ACCSL: variants seen among roughly 807,000 people sequenced by gnomAD.
ACCSL encodes the protein 1-aminocyclopropane-1-carboxylate synthase homolog (inactive) like.
Under a neutral mutation model 61.7 loss-of-function variants are expected in ACCSL, and 55 were observed. That is an observed-to-expected ratio of 0.89 (90% CI 0.72 to 1.12). The LOEUF (loss-of-function observed/expected upper bound fraction) is 1.12, where lower values mean the gene tolerates loss of function less well. Among genes scored for constraint, ACCSL ranks in the 50% most tolerant of loss-of-function variants. The probability of loss-of-function intolerance (pLI) is 0.00; values close to 1 mark genes in which losing one functional copy is unlikely to be tolerated. For missense variants in ACCSL, 632 were observed against 698.0 expected, an observed-to-expected ratio of 0.91 and a Z score of 1.07; for synonymous variants, 258 against 264.3, an observed-to-expected ratio of 0.98 and a Z score of 0.23.
chr11:43,981,158 T>C, the ACCSL span, among the ~76,000 whole-genome samples: 34,771 of 152,088 alleles, frequency 0.23, 4,259 homozygotes, highest in Non-Finnish European at 0.28. Context: ...GCCACTGATG[T>C]GGGCAGGTGG....
At chr11:43,996,427 C>G in the ACCSL span, among the ~76,000 whole-genome samples, 13 of 152,180 alleles carry the variant, frequency 8.5e-5, no homozygotes, top group African/African-American at 3.1e-4. Context: ...CAGCTGATGG[C>G]AGCTTGGTGA....
chr11:44,029,296 GT>G, the ACCSL span, among the ~76,000 whole-genome samples: 2 of 152,372 alleles, frequency 1.3e-5, no homozygotes, highest in East Asian at 3.9e-4. Context: ...GCTTCTTGCT[GT>G]TCCTTCAACA....
chr11:43,954,804 C>T, the ACCSL span, among the ~76,000 whole-genome samples: 2 of 152,082 alleles, frequency 1.3e-5, no homozygotes, highest in Non-Finnish European at 2.9e-5. Context: ...AGGCTGGTCT[C>T]GAACTCTCCA....
chr11:44,031,547 A>T, the ACCSL span, among the ~76,000 whole-genome samples: 1 of 152,146 alleles, frequency 6.6e-6, no homozygotes, highest in Non-Finnish European at 1.5e-5. Context: ...TATTTATTGG[A>T]GGAAACACCT....
In ACCSL at chr11:44,059,830, C is replaced by T. The variant is rs762693781; in HGVS notation, c.1625-8C>T. The T allele has an allele frequency of 6.2e-7, 1 of 1,612,436 alleles. No homozygotes were observed. On this transcript the variant is annotated splice_polypyrimidine_tract_variant and splice_region_variant and intron_variant, in intron 13 of 13. Coordinates refer to ENST00000378832, the MANE Select transcript of ACCSL (RefSeq NM_001031854.2). ...CTATTTCTCTCTGTCCCCATTTGAACCCTCTAGCTATGCGTCGGTTCTGTG... is the reference window on the plus strand; with the variant it reads ...CTATTTCTCTCTGTCCCCATTTGAATCCTCTAGCTATGCGTCGGTTCTGTG...
chr11:44,007,659 A>T, the ACCSL span, among the ~76,000 whole-genome samples: 1 of 152,146 alleles, frequency 6.6e-6, no homozygotes, highest in African/African-American at 2.4e-5. Context: ...CAGGCTCTAT[A>T]TGTGTGACCT....
the ACCSL span, among the ~76,000 whole-genome samples, chr11:44,004,130 TGA>T: frequency 6.5e-3 from 970 of 149,954 alleles, 14 homozygotes; most frequent in African/African-American, 0.023. Context: ...GGGGAGGGGC[TGA>T]GTCTGCATGT....
chr11:43,946,637 G>A, the ACCSL span, among the ~76,000 whole-genome samples: 2 of 151,950 alleles, frequency 1.3e-5, no homozygotes, highest in African/African-American at 2.4e-5. Context: ...AGTATGCATC[G>A]ATCCACATCA....
chr11:43,998,693 C>G, the ACCSL span, among the ~76,000 whole-genome samples: 2 of 152,092 alleles, frequency 1.3e-5, no homozygotes, highest in African/African-American at 4.8e-5. Flanking sequence ...TAGATTCATT[C>G]ATTATTTATT....
the ACCSL span, among the ~76,000 whole-genome samples, chr11:43,977,245 A>G: frequency 1.3e-5 from 2 of 152,156 alleles, no homozygotes; most frequent in Non-Finnish European, 2.9e-5. Flanking sequence ...CCTGTGAATA[A>G]TATGTTACAC....
chr11:43,950,084 T>C, the ACCSL span, among the ~76,000 whole-genome samples: 3 of 152,232 alleles, frequency 2.0e-5, no homozygotes, highest in Non-Finnish European at 4.4e-5. Context: ...CTACATTGTG[T>C]ATTCAGTGAA....
At chr11:44,028,734 C>A in the ACCSL span, among the ~76,000 whole-genome samples, 2 of 152,208 alleles carry the variant, frequency 1.3e-5, no homozygotes, top group Admixed American at 1.3e-4. Context: ...TCAGTCTTGT[C>A]TGTGCCTCAG....
the ACCSL span, among the ~76,000 whole-genome samples, chr11:43,994,267 C>A: frequency 6.6e-6 from 1 of 152,180 alleles, no homozygotes; most frequent in Non-Finnish European, 1.5e-5. Context: ...TTCACCATCT[C>A]AGGAAATATA....
At chr11:43,943,301 G>A in the ACCSL span, 10 of 1,454,270 alleles carry the variant, frequency 6.9e-6, no homozygotes, top group Non-Finnish European at 9.0e-6. The surrounding 1 kb of genome is among the most constrained non-coding windows in gnomAD (Gnocchi z 4.8). Context: ...GGGGACGCGC[G>A]CGTCCGCGGT....
intron 1 of ACCSL, 96 bp downstream of exon 1, chr11:44,048,636 C>A (rs955924413): frequency 8.4e-7 from 1 of 1,195,424 alleles, no homozygotes; most frequent in Non-Finnish European, 1.2e-6. Flanking sequence ...TGCTCTCATT[C>A]TTTATAGCCT....
the ACCSL span, among the ~76,000 whole-genome samples, chr11:43,928,807 A>C: frequency 6.6e-6 from 1 of 152,186 alleles, no homozygotes; most frequent in Non-Finnish European, 1.5e-5. Context: ...AGAGTTAGGG[A>C]GGCTGGGAAA....
chr11:43,994,525 T>G, the ACCSL span, among the ~76,000 whole-genome samples: 26 of 152,266 alleles, frequency 1.7e-4, no homozygotes, highest in Middle Eastern at 6.8e-3. Context: ...TATGTGTGTG[T>G]GTGTGTCTGT....
At chr11:44,025,719 T>G in the ACCSL span, among the ~76,000 whole-genome samples, 56,491 of 151,940 alleles carry the variant, frequency 0.37, 11,054 homozygotes, top group Admixed American at 0.41. Context: ...GTATTTCTTA[T>G]AGGATTGGTC....
intron 2 of ACCSL, among the ~76,000 whole-genome samples, 172 bp from the exon 3 acceptor site, chr11:44,050,380 T>C (rs1191545645): frequency 1.3e-5 from 2 of 152,206 alleles, no homozygotes; most frequent in Non-Finnish European, 2.9e-5. Context: ...ACTTGTGTAA[T>C]TTATGACAAG....
Sources: gnomAD v4.1 joint callset for allele counts (sites outside exome capture counted in the v4.1 genomes callset) on GRCh38, gnomAD v4.1.1 for gene constraint, Gnocchi (gnomAD v3.1) non-coding constraint, MANE v1.5 for transcripts, NCBI Gene and HGNC (gene_info 2026-07-23, HGNC 2026-07-21) for gene names.